POU2F2: variants seen among roughly 807,000 people sequenced by gnomAD.
POU2F2 encodes the protein POU domain, class 2, transcription factor 2.
In POU2F2, 14 loss-of-function variants were observed where a neutral mutation model predicts 63.5. The observed-to-expected ratio is 0.22, with a 90% CI of 0.15 to 0.34. The LOEUF is 0.34. Among genes scored for constraint, POU2F2 ranks in the 10% least tolerant of loss-of-function variants. The probability of loss-of-function intolerance (pLI) is 1.00; values close to 1 mark genes in which losing one functional copy is unlikely to be tolerated. For synonymous variants in POU2F2, 306 were observed against 348.6 expected (o/e 0.88, Z 1.36); for missense variants, 607 against 815.2 (o/e 0.74, Z 3.11).
At position 42,088,288 on chromosome 19, in the gene POU2F2, A is replaced by AGGGTT. The variant is rs1483491519; in HGVS notation, c.*2964_*2968dup. On this transcript the variant is annotated 3_prime_UTR_variant, in exon 15 of 15. Transcript: ENST00000692977. ...TCTTGTTTTTCTTTTCCTAGGTGTG[A>AGGGTT]GGGTTGGATGGGGAGGGTCCCCAGC... 1.3e-5 allele frequency: 2 copies of AGGGTT among 151,618 alleles called. No homozygotes were observed. The highest frequency in any genetic ancestry group is 6.6e-5 in the Admixed American group (1 of 15,232). 9.4% of individuals were successfully genotyped at this position (151,618 alleles called of 1,614,324 possible). A position where few individuals can be genotyped will look rare whatever the true frequency, so the allele number is the denominator to read the frequency against.
At chr19:42,108,240 AG>A (rs1317924612) in intron 5 of POU2F2, among the ~76,000 whole-genome samples, 2 of 152,228 alleles carry the variant, frequency 1.3e-5, no homozygotes, top group Non-Finnish European at 2.9e-5. Flanking sequence ...TCACCCAGAA[AG>A]GCACTTGGGC....
chr19:42,191,073 CAAAAAAAAA>C (rs200638271), intron 1 of POU2F2, among the ~76,000 whole-genome samples: 1 of 72,136 alleles, frequency 1.4e-5, no homozygotes, highest in East Asian at 4.1e-4. Flanking sequence ...GACTCAGTTT[CAAAAAAAAA>C]AAAAAAAAAG....
In POU2F2 at chr19:42,095,568, C is replaced by T; in HGVS notation, c.997G>A (p.Ala333Thr). ...ACCGCTAGAAAACTCTTCTCTAAGG[C>T]GAAGCGGACGTTTGTCTCGATGCTG... ...RTSIETNVRF[A>T]LEKSFLANQK... is the part of the protein sequence containing the mutation. Residue 333 changes from alanine (A) to threonine (T), a missense_variant, in exon 10 of 15, where the codon GCC becomes ACC. By Grantham distance (58) the Ala-to-Thr change is moderately conservative. Around this residue, in one of 7 missense-constraint regions of POU2F2, gnomAD observed 36 missense variants for 63.8 expected, o/e 0.56. Coordinates refer to ENST00000692977, the MANE Select transcript of POU2F2 (RefSeq NM_001394376.1). The surrounding 1 kb of genome is among the most constrained non-coding windows in gnomAD (Gnocchi z 7.1). The T allele has an allele frequency of 1.9e-6, 3 of 1,607,448 alleles. No individual in the cohort carries two copies. The highest frequency in any genetic ancestry group is 2.5e-6 in the Non-Finnish European group (3 of 1,176,866).
chr19:42,153,280 A>G lies in POU2F2; in HGVS notation c.-9+7052T>C, dbSNP rs1568416113. 6.6e-6 allele frequency among the ~76,000 whole-genome samples: 1 copy of G among 152,134 alleles called. No homozygotes were observed. Among genetic ancestry groups the G allele is most frequent in the Non-Finnish European group, 1.5e-5 (1 of 68,012 alleles). On this transcript the variant is annotated intron_variant, in intron 2 of 6. Coordinates refer to the POU2F2 transcript ENST00000524801. The surrounding 1 kb of genome is among the most constrained non-coding windows in gnomAD (Gnocchi z 5.6). ...GCCCGAGTCATGTCTGTGTGTGAAC[A>G]TGAGTTCATGGATGTGTCCCAGGAG...
upstream of POU2F2, among the ~76,000 whole-genome samples, chr19:42,179,618 A>G (rs2034938015): frequency 1.3e-5 from 2 of 152,208 alleles, no homozygotes; most frequent in South Asian, 4.1e-4. Context: ...TCGCTTTGTT[A>G]CCAGCAAGGC....
At position 42,155,053 on chromosome 19, in the gene POU2F2, G is replaced by C. The variant is rs1316699830; in HGVS notation, c.-9+5279C>G. Among the ~76,000 whole-genome samples the C allele has an allele frequency of 1.3e-5, 2 of 152,184 alleles. No individual in the cohort carries two copies. The highest frequency in any genetic ancestry group is 3.8e-4 in the East Asian group (2 of 5,204). On this transcript the variant is annotated intron_variant, in intron 2 of 6. Coordinates refer to the POU2F2 transcript ENST00000524801. The surrounding 1 kb of genome is among the most constrained non-coding windows in gnomAD (Gnocchi z 4.2). Reference sequence around the variant, plus strand: ...GGCCAATTTCCTCGTACTCTGCCAGGCATGGCCAGCCTGGGGGGTGGGGGG... The same window carrying C: ...GGCCAATTTCCTCGTACTCTGCCAGCCATGGCCAGCCTGGGGGGTGGGGGG...
Position 42,117,343 on chromosome 19 carries a change from G to T in POU2F2, c.276C>A (p.Gly92=). ...GCAGGGGTGCTGCTGGGGCTGAATCGCCACTGGGGTCTTCAGCCTTGATCT... is the reference window on the plus strand; with the variant it reads ...GCAGGGGTGCTGCTGGGGCTGAATCTCCACTGGGGTCTTCAGCCTTGATCT... ...PPQIKAEDPS[G]DSAPAAPLPP... is the part of the protein sequence containing the mutation. The change falls in exon 5 of 15, where the codon GGC becomes GGA. Residue 92 remains glycine, a synonymous_variant. Transcript: ENST00000692977. This position sits in a 1 kb window ranked among gnomAD's most constrained non-coding sequence, Gnocchi z 4.4. 6.5e-7 allele frequency: 1 copy of T among 1,527,820 alleles called. No homozygotes were observed. Among genetic ancestry groups the T allele is most frequent in the Non-Finnish European group, 8.7e-7 (1 of 1,149,646 alleles). The allele number at this position is 1,527,820 out of a possible 1,614,324, so 94.6% of individuals were successfully genotyped here.
At chr19:42,186,190 T>C (rs1399206657) in intron 1 of POU2F2, among the ~76,000 whole-genome samples, 1 of 150,344 alleles carries the variant, frequency 6.7e-6, no homozygotes, top group African/African-American at 2.4e-5. Flanking sequence ...CCGGGTGTGG[T>C]GGCGGGCGTC....
At position 42,096,078 on chromosome 19, in the gene POU2F2, A is replaced by T. The variant is rs935186765; in HGVS notation, c.729+4T>A. 1 of 1,613,232 alleles carries T rather than the reference A, an allele frequency of 6.2e-7. No homozygotes were observed. The highest frequency in any genetic ancestry group is 1.3e-5 in the African/African-American group (1 of 74,904). ...ACCGCCCAGCCTGCAAGGTGCCTCCAGACCTGCGTGAAGCCCAGCTTGATG... is the reference window on the plus strand; with the variant it reads ...ACCGCCCAGCCTGCAAGGTGCCTCCTGACCTGCGTGAAGCCCAGCTTGATG... On this transcript the variant is annotated splice_donor_region_variant and intron_variant, in intron 8 of 14. Transcript: ENST00000692977. The surrounding 1 kb of genome is among the most constrained non-coding windows in gnomAD (Gnocchi z 4.1).
intron 5 of POU2F2, among the ~76,000 whole-genome samples, chr19:42,100,645 G>A (rs887648387): frequency 3.9e-5 from 6 of 152,038 alleles, no homozygotes; most frequent in African/African-American, 9.7e-5. Context: ...CAGCTACTCC[G>A]GAGGCTGATG....
At chr19:42,176,818 G>C (rs2146809765), upstream of POU2F2, among the ~76,000 whole-genome samples, 1 of 151,844 alleles carries the variant, frequency 6.6e-6, no homozygotes, top group African/African-American at 2.4e-5. Flanking sequence ...GGCGGCGGCT[G>C]ACAGCCGGAG....
At chr19:42,126,217 G>A (rs2033186503) in intron 1 of POU2F2, among the ~76,000 whole-genome samples, 1 of 152,100 alleles carries the variant, frequency 6.6e-6, no homozygotes, top group Non-Finnish European at 1.5e-5. Flanking sequence ...GGCCGAGGTG[G>A]GCAGATCACC....
chr19:42,194,681 C>T (rs2035110505), intron 1 of POU2F2, among the ~76,000 whole-genome samples: 1 of 135,184 alleles, frequency 7.4e-6, no homozygotes, highest in African/African-American at 2.8e-5. Flanking sequence ...ATCTCTTGAA[C>T]CTGGGAGGTG....
At chr19:42,115,744 G>A (rs1466138185) in intron 5 of POU2F2, among the ~76,000 whole-genome samples, 1 of 152,098 alleles carries the variant, frequency 6.6e-6, no homozygotes, top group African/African-American at 2.4e-5. Flanking sequence ...GTTAAATTGT[G>A]TCCCCAAAAA....
At chr19:42,110,737 A>T (rs988041800) in intron 5 of POU2F2, 9 of 456,228 alleles carry the variant, frequency 2.0e-5, no homozygotes, top group East Asian at 6.9e-5. Context: ...TGACACCACA[A>T]TAAGTCTTAC....
At chr19:42,100,514 G>A (rs2077096349) in intron 5 of POU2F2, among the ~76,000 whole-genome samples, 1 of 152,144 alleles carries the variant, frequency 6.6e-6, no homozygotes, top group Non-Finnish European at 1.5e-5. Context: ...AATTTGGGAG[G>A]CTGAGGCAGG....
chr19:42,087,878 C>T lies in POU2F2; in HGVS notation c.*3379G>A, dbSNP rs564486115. The T allele has an allele frequency of 6.6e-6, 1 of 152,170 alleles. No homozygotes were observed. Among genetic ancestry groups the T allele is most frequent in the African/African-American group, 2.4e-5 (1 of 41,400 alleles). The allele number at this position is 152,170 out of a possible 1,614,324, so 9.4% of individuals were successfully genotyped here. On this transcript the variant is annotated 3_prime_UTR_variant, in exon 15 of 15. Transcript: ENST00000692977. ...TCTCGCTCATACACAGACACACGGA[C>T]ACAGGCTCTGTACAGACCACAAAAT...
chr19:42,132,324 G>C, intron 1 of POU2F2, 60 bp downstream of exon 1: 4 of 1,574,382 alleles, frequency 2.5e-6, no homozygotes, highest in Non-Finnish European at 3.4e-6. Flanking sequence ...AGGGCCCGCA[G>C]AGCAAACCTA....
At chr19:42,132,327 C>A in intron 1 of POU2F2, 57 bp downstream of exon 1, 1 of 1,578,836 alleles carries the variant, frequency 6.3e-7, no homozygotes, top group Non-Finnish European at 8.6e-7. Context: ...GCCCGCAGAG[C>A]AAACCTAAAT....
Sources: allele counts gnomAD v4.1 joint callset (sites outside exome capture counted in the v4.1 genomes callset), GRCh38; gene constraint gnomAD v4.1.1; regional missense constraint gnomAD v4.1.1; non-coding constraint Gnocchi (gnomAD v3.1); transcripts MANE v1.5; gene names NCBI Gene and HGNC (gene_info 2026-07-23, HGNC 2026-07-21).